The following KDM5C variants were observed in gnomAD, a reference collection of about 807,000 sequenced individuals.
The protein encoded by KDM5C is lysine demethylase 5C, also known as lysine-specific demethylase 5C.
Under a neutral mutation model 110.6 loss-of-function variants are expected in KDM5C, and 16 were observed. That is an observed-to-expected ratio of 0.14 (90% CI 0.10 to 0.22). The LOEUF (loss-of-function observed/expected upper bound fraction) is 0.22. KDM5C is among the 10% of genes least tolerant of loss of function. The pLI is 1.00. For synonymous variants in KDM5C, 511 were observed against 520.4 expected (o/e 0.98, Z 0.24); for missense variants, 681 against 1,300.9 (o/e 0.52, Z 7.33).
chrX:53,194,767 G>C (rs1456903911), intron 22 of KDM5C, 29 bp from the exon 23 acceptor site: 5 of 1,206,162 alleles, frequency 4.1e-6, no homozygotes, highest in Non-Finnish European at 4.5e-6. Flanking sequence ...GAGCAAAGTG[G>C]GTCAGCAGCC....
Position 53,217,911 on chromosome X carries a change from C to T in KDM5C, c.407G>A (p.Arg136Gln), listed in dbSNP as rs2146950778. 8.3e-7 allele frequency: 1 copy of T among 1,210,337 alleles called. No homozygotes were observed. Among genetic ancestry groups the T allele is most frequent in the Non-Finnish European group, 1.1e-6 (1 of 894,371 alleles). Residue 136 changes from arginine to glutamine, a missense_variant, in exon 4 of 26, where the codon CGG (arginine) becomes CAG (glutamine). Arg to Gln is a conservative substitution (Grantham distance 43). This residue lies in a region of KDM5C where 55 missense variants were observed against 118.0 expected (regional missense o/e 0.47). Coordinates refer to ENST00000375401, the MANE Select transcript of KDM5C (RefSeq NM_004187.5). ...EAICKDRRWA[R>Q]VAQRLNYPPG... The stretch of plus-strand genomic sequence containing the variant: ...TGGATAGTTGAGGCGCTGGGCTACC[C>T]GAGCCCACCGACGGTCCTTGCAGAT...
chrX:53,181,692 A>G (rs1177681340), intron 25 of KDM5C, among the ~76,000 whole-genome samples: 2 of 109,361 alleles, frequency 1.8e-5, no homozygotes, highest in African/African-American at 6.7e-5. Context: ...AAAAAAAAAA[A>G]AAAAAAAGAA....
At chrX:53,222,208 G>A (rs2146967140) in intron 1 of KDM5C, among the ~76,000 whole-genome samples, 1 of 110,131 alleles carries the variant, frequency 9.1e-6, no homozygotes, top group African/African-American at 3.3e-5. Flanking sequence ...GGGAGAGACA[G>A]TGAAAGAGAA....
At chrX:53,220,685 C>T (rs781899589) in intron 2 of KDM5C, among the ~76,000 whole-genome samples, 154 bp downstream of exon 2, 7 of 112,132 alleles carry the variant, frequency 6.2e-5, no homozygotes, top group African/African-American at 1.6e-4. Context: ...GCTTCTTCCA[C>T]GCCCTGGGCA....
At chrX:53,201,460 CAA>C in intron 14 of KDM5C, 88 bp downstream of exon 14, 1 of 889,042 alleles carries the variant, frequency 1.1e-6, no homozygotes, top group Non-Finnish European at 1.7e-6. Context: ...CACTATACGC[CAA>C]GAGTAGAGGC....
downstream of KDM5C, among the ~76,000 whole-genome samples, chrX:53,186,931 C>G (rs782204759): frequency 2.7e-5 from 3 of 112,383 alleles, no homozygotes; most frequent in South Asian, 1.1e-3. Context: ...ATGGCTGTCC[C>G]TCTTGGAATG....
At position 53,192,736 on chromosome X, in the gene KDM5C, G is replaced by T; in HGVS notation, c.*231C>A. ...CTGCCTCAGGTGTCTGGGAATGCTG[G>T]TTAGAGGCTACCAGGGAGGGAAGAC... On this transcript the variant is annotated 3_prime_UTR_variant, in exon 26 of 26. Coordinates refer to ENST00000375401, the MANE Select transcript of KDM5C (RefSeq NM_004187.5). The T allele has an allele frequency of 3.5e-6, 4 of 1,147,998 alleles. No individual in the cohort carries two copies. The highest frequency in any genetic ancestry group is 4.6e-6 in the Non-Finnish European group (4 of 862,265). 94.6% of individuals were successfully genotyped at this position (1,147,998 alleles called of 1,213,427 possible).
chrX:53,201,493 T>G (rs1396284436), intron 14 of KDM5C, 57 bp downstream of exon 14: 20 of 1,120,940 alleles, frequency 1.8e-5, no homozygotes, highest in Non-Finnish European at 2.5e-5. Flanking sequence ...TGGTGCTGCC[T>G]CTGCCTCCCC....
chrX:53,203,135 T>C (rs1161821859), intron 12 of KDM5C, among the ~76,000 whole-genome samples: 3 of 111,866 alleles, frequency 2.7e-5, no homozygotes, highest in Non-Finnish European at 5.6e-5. Context: ...CTCCCATAGT[T>C]GTTGACTCAG....
At position 53,218,337 on chromosome X, in the gene KDM5C, C is replaced by T; in HGVS notation, c.290G>A (p.Gly97Asp). The T allele has an allele frequency of 8.3e-7, 1 of 1,209,469 alleles. No homozygotes were observed. The highest frequency in any genetic ancestry group is 1.1e-6 in the Non-Finnish European group (1 of 893,592). ...TACATTGGGAATCTTTAAGGAGGAG[C>T]CCTGGATTTCCCAGAATTTGGCAAT... The part of the protein sequence containing the change: ...DQIAKFWEIQ[G>D]SSLKIPNVER... Residue 97 changes from glycine to aspartate, a missense_variant, in exon 3 of 26, where the codon GGC (glycine) becomes GAC (aspartate). Physicochemically the swap from Gly to Asp is moderately conservative, Grantham distance 94 (BLOSUM62 -1). Coordinates refer to ENST00000375401, the MANE Select transcript of KDM5C (RefSeq NM_004187.5).
chrX:53,195,890 T>G (rs1293083482), intron 20 of KDM5C, 26 bp downstream of exon 20: 2 of 1,200,865 alleles, frequency 1.7e-6, no homozygotes, highest in African/African-American at 3.5e-5. Context: ...ACTGAAGGCC[T>G]GGGGTGGGAG....
chrX:53,196,537 C>A (rs1382878922), intron 19 of KDM5C, 149 bp downstream of exon 19: 8 of 518,032 alleles, frequency 1.5e-5, no homozygotes, highest in East Asian at 3.4e-5. Context: ...TTTAAAAAAA[C>A]GACAAGATAG....
downstream of KDM5C, among the ~76,000 whole-genome samples, chrX:53,186,852 C>T (rs1216910910): frequency 4.5e-5 from 5 of 111,893 alleles, no homozygotes; most frequent in African/African-American, 1.3e-4. Flanking sequence ...TTTAATGATT[C>T]GGCTAAATGG....
chrX:53,192,881 C>CCCCCCCCCCCACAA lies in KDM5C; in HGVS notation c.*85_*86insTTGTGGGGGGGGGG. The CCCCCCCCCCCACAA allele has an allele frequency of 9.5e-7, 1 of 1,054,430 alleles. No individual in the cohort carries two copies. The highest frequency in any genetic ancestry group is 1.2e-6 in the Non-Finnish European group (1 of 802,814). The allele number at this position is 1,054,430 out of a possible 1,213,427, so 86.9% of individuals were successfully genotyped here. ...TGGCCACCCCCCTACCCGCCCACCCCCCAAGAAGCAGGCTTGATGGTCAGA... is the reference window on the plus strand; with the variant it reads ...TGGCCACCCCCCTACCCGCCCACCCCCCCCCCCCCCACAACCAAGAAGCAGGCTTGATGGTCAGA... On this transcript the variant is annotated 3_prime_UTR_variant, in exon 26 of 26. Coordinates refer to ENST00000375401, the MANE Select transcript of KDM5C (RefSeq NM_004187.5).
intron 5 of KDM5C, among the ~76,000 whole-genome samples, chrX:53,216,926 A>G (rs918801084): frequency 9.8e-5 from 11 of 112,512 alleles, no homozygotes; most frequent in African/African-American, 3.6e-4. Context: ...GCAGACATAC[A>G]AAAGAGGTTG....
chrX:53,219,689 C>A (rs2073846460), intron 2 of KDM5C, among the ~76,000 whole-genome samples: 1 of 112,315 alleles, frequency 8.9e-6, no homozygotes, highest in Non-Finnish European at 1.9e-5. Context: ...AAACTAAGGT[C>A]TATTTGTAGA....
At chrX:53,202,278 A>C in intron 12 of KDM5C, 1 of 272,633 alleles carries the variant, frequency 3.7e-6, no homozygotes, top group Non-Finnish European at 6.7e-6. Flanking sequence ...AAGCTTTTTT[A>C]GTTATTTACT....
intron 4 of KDM5C, 115 bp downstream of exon 4, chrX:53,217,681 A>G (rs1248073115): frequency 1.3e-6 from 1 of 783,198 alleles, no homozygotes; most frequent in Non-Finnish European, 1.9e-6. Context: ...TCACTAGGAA[A>G]GAGCAGAGTC....
At position 53,178,094 on chromosome X, in the gene KDM5C, C is replaced by T. The variant is rs782169376; in HGVS notation, c.4309-1472G>A. Among the ~76,000 whole-genome samples the T allele has an allele frequency of 9.8e-5, 11 of 111,864 alleles. No individual in the cohort carries two copies. The South Asian group carries it at 1.1e-3, about 11-fold the overall frequency. On this transcript the variant is annotated intron_variant, in intron 25 of 25. Transcript: ENST00000685641. ...GCTGGCTTGAACTCCTGGGCTCAAG[C>T]GATTCTCCTGCCTCAGCCTCCGAAA...
Sources: allele counts gnomAD v4.1 joint callset (sites outside exome capture counted in the v4.1 genomes callset), GRCh38; gene constraint gnomAD v4.1.1; regional missense constraint gnomAD v4.1.1; transcripts MANE v1.5; gene names NCBI Gene and HGNC (gene_info 2026-07-23, HGNC 2026-07-21).